ASXL3: variants seen among roughly 807,000 people sequenced by gnomAD.
The protein encoded by ASXL3 is putative Polycomb group protein ASXL3.
ASXL3 carries 34 observed loss-of-function variants against 170.6 expected under a neutral mutation model. The observed-to-expected ratio is 0.20, with a 90% CI of 0.15 to 0.27. The LOEUF is 0.27. Ranked by LOEUF, ASXL3 falls within the 10% of genes least tolerant of loss-of-function variation. The probability of loss-of-function intolerance (pLI) is 1.00; values close to 1 mark genes in which losing one functional copy is unlikely to be tolerated. For synonymous variants in ASXL3, 1,002 were observed against 989.1 expected (o/e 1.01, Z -0.24); for missense variants, 2,592 against 2,695.3 (o/e 0.96, Z 0.85).
intron 7 of ASXL3, among the ~76,000 whole-genome samples, chr18:33,680,659 A>G (rs562254671): frequency 1.3e-5 from 2 of 152,182 alleles, no homozygotes; most frequent in Non-Finnish European, 1.5e-5. Flanking sequence ...CAAGGTCACT[A>G]TATATTCCCA....
At chr18:33,663,926 A>G (rs2066217107) in intron 5 of ASXL3, among the ~76,000 whole-genome samples, 1 of 149,880 alleles carries the variant, frequency 6.7e-6, no homozygotes, top group Admixed American at 6.6e-5. Context: ...TTGTAAGTGT[A>G]TTAAATACAT....
rs192287030 is a variant in ASXL3 at position 33,632,107 on chromosome 18, T to C, written c.138-12787T>C. Among the ~76,000 whole-genome samples, 356 of 152,242 alleles carry C rather than the reference T, an allele frequency of 2.3e-3. 2 individuals carry two copies. The highest frequency in any genetic ancestry group is 6.4e-3 in the Admixed American group (98 of 15,280). The stretch of plus-strand genomic sequence containing the variant: ...AAAAAACTGTATTTAAAGAAATGGT[T>C]CCTTCTGGCCAGATCGCCTAGATAG... On this transcript the variant is annotated intron_variant, in intron 2 of 11. Transcript: ENST00000269197.
chr18:33,674,854 A>G (rs1403531854), intron 7 of ASXL3, among the ~76,000 whole-genome samples: 1 of 152,052 alleles, frequency 6.6e-6, no homozygotes, highest in Non-Finnish European at 1.5e-5. Flanking sequence ...TCCTGACCTC[A>G]TGATCCACCT....
intron 4 of ASXL3, among the ~76,000 whole-genome samples, chr18:33,649,897 TAAGA>T (rs891953450): frequency 6.6e-6 from 1 of 152,008 alleles, no homozygotes; most frequent in Non-Finnish European, 1.5e-5. Context: ...TCAGAGCTGA[TAAGA>T]AAGAAGGGGG....
rs777742703 is a variant in ASXL3, at chr18:33,745,904, C to A, written c.6056C>A (p.Pro2019Gln). ...AACAAAGCACTAGTACATCCGCCGC[C>A]GCCACCGCCTCCCCCTCCCCCTCCA... is the stretch of plus-strand genomic sequence containing the variant. ...MPNKALVHPP[P>Q]PPPPPPPPPL... Residue 2019 changes from proline to glutamine, a missense_variant, in exon 12 of 12, where the codon CCG (proline) becomes CAG (glutamine). By Grantham distance (76) the Pro-to-Gln change is moderately conservative. Around this residue, in one of 4 missense-constraint regions of ASXL3, gnomAD observed 2,246 missense variants for 2,219.6 expected, o/e 1.01. Coordinates refer to ENST00000269197, the MANE Select transcript of ASXL3 (RefSeq NM_030632.3). 2 of 1,608,554 alleles carry A rather than the reference C, an allele frequency of 1.2e-6. No homozygotes were observed. Among genetic ancestry groups the A allele is most frequent in the Non-Finnish European group, 1.7e-6 (2 of 1,178,628 alleles).
intron 8 of ASXL3, among the ~76,000 whole-genome samples, chr18:33,724,133 G>A (rs899833007): frequency 1.1e-4 from 16 of 152,040 alleles, no homozygotes; most frequent in African/African-American, 3.9e-4. Context: ...AACTGAATTT[G>A]CAATGTCTTT....
At chr18:33,674,870 G>A (rs1172783618) in intron 7 of ASXL3, among the ~76,000 whole-genome samples, 2 of 151,960 alleles carry the variant, frequency 1.3e-5, no homozygotes, top group Non-Finnish European at 2.9e-5. Context: ...CACCTGCCTC[G>A]GCTTCCCAAA....
rs190401191 is a variant in ASXL3, at chr18:33,746,452, G to A, written c.6604G>A (p.Asp2202Asn). 80 of 1,614,038 alleles carry A rather than the reference G, an allele frequency of 5.0e-5. No homozygotes were observed. In the East Asian group the frequency reaches 7.6e-4, roughly 15 times the overall value. The part of the protein sequence containing the change: ...NAQMPVQNFA[D>N]SSNADELELK... ...TCAGATGCCCGTTCAGAACTTTGCC[G>A]ACAGCAGCAATGCAGATGAATTGGA... Residue 2202 changes from aspartate to asparagine, a missense_variant, in exon 12 of 12, where the codon GAC becomes AAC. By Grantham distance (23) the Asp-to-Asn change is conservative. Coordinates refer to ENST00000269197, the MANE Select transcript of ASXL3 (RefSeq NM_030632.3).
Position 33,745,957 on chromosome 18 carries a change from C to T in ASXL3, c.6109C>T (p.Pro2037Ser), listed in dbSNP as rs746554436. ...PPLALPPPPP[P>S]PPPLPPPLPN... ...CTTGGCTTTGCCCCCGCCTCCCCCC[C>T]CACCACCTCCGCTACCTCCACCTCT... Residue 2037 changes from proline (P) to serine (S), a missense_variant, in exon 12 of 12, where the codon CCA becomes TCA. By Grantham distance (74) the Pro-to-Ser change is moderately conservative. Transcript: ENST00000269197. 1 of 1,541,820 alleles carries T rather than the reference C, an allele frequency of 6.5e-7. No homozygotes were observed. Among genetic ancestry groups the T allele is most frequent in the South Asian group, 1.2e-5 (1 of 84,670 alleles).
At chr18:33,647,465 C>G (rs1568302832) in intron 4 of ASXL3, among the ~76,000 whole-genome samples, 1 of 151,872 alleles carries the variant, frequency 6.6e-6, no homozygotes, top group African/African-American at 2.4e-5. Context: ...TTTGAGTATC[C>G]CCCCAATTGT....
At position 33,748,371 on chromosome 18, in the gene ASXL3, T is replaced by A. The variant is rs1384852485; in HGVS notation, c.*1776T>A. The A allele has an allele frequency of 2.0e-5, 3 of 152,172 alleles. No homozygotes were observed. Among genetic ancestry groups the A allele is most frequent in the African/African-American group, 7.2e-5 (3 of 41,440 alleles). 9.4% of individuals were successfully genotyped at this position (152,172 alleles called of 1,614,324 possible). On this transcript the variant is annotated 3_prime_UTR_variant, in exon 12 of 12. Coordinates refer to ENST00000269197, the MANE Select transcript of ASXL3 (RefSeq NM_030632.3). ...TTTCTTTCTTTAGGTGATAGAGACA[T>A]CATTTCGAATAACAAATTGCTGATA...
At chr18:33,724,278 G>A (rs1332786111) in intron 8 of ASXL3, among the ~76,000 whole-genome samples, 1 of 152,016 alleles carries the variant, frequency 6.6e-6, no homozygotes, top group Non-Finnish European at 1.5e-5. Flanking sequence ...GCAAAGAATT[G>A]TTTCCTTCAG....
intron 4 of ASXL3, among the ~76,000 whole-genome samples, chr18:33,653,508 AAC>A (rs2066033715): frequency 6.6e-6 from 1 of 152,106 alleles, no homozygotes; most frequent in African/African-American, 2.4e-5. Context: ...CATTGAAGAA[AAC>A]ACAGAGGAAA....
intron 8 of ASXL3, among the ~76,000 whole-genome samples, chr18:33,714,879 C>A (rs1277114922): frequency 2.0e-5 from 3 of 152,202 alleles, no homozygotes; most frequent in African/African-American, 4.8e-5. Context: ...GGGTAGGAAC[C>A]TTTTCATACC....
chr18:33,680,255 G>GATA (rs2066494759), intron 7 of ASXL3, among the ~76,000 whole-genome samples: 1 of 151,848 alleles, frequency 6.6e-6, no homozygotes, highest in African/African-American at 2.4e-5. Context: ...AACATATAAT[G>GATA]GATATGTAGG....
intron 5 of ASXL3, among the ~76,000 whole-genome samples, chr18:33,663,460 C>T (rs547385382): frequency 1.1e-4 from 17 of 152,082 alleles, no homozygotes; most frequent in South Asian, 8.3e-4. Flanking sequence ...ACATTTTTTA[C>T]GATTACTAAA....
At chr18:33,704,282 T>C (rs2066923745) in intron 8 of ASXL3, among the ~76,000 whole-genome samples, 1 of 152,148 alleles carries the variant, frequency 6.6e-6, no homozygotes, top group Non-Finnish European at 1.5e-5. Flanking sequence ...TCAAGCTTTT[T>C]GATATTACAG....
intron 9 of ASXL3, among the ~76,000 whole-genome samples, chr18:33,732,807 C>A (rs2067473337): frequency 6.6e-6 from 1 of 150,660 alleles, no homozygotes; most frequent in East Asian, 2.0e-4. Flanking sequence ...AGTGATCGAC[C>A]TACTGATCAT....
At chr18:33,699,540 C>T (rs749968702) in intron 8 of ASXL3, among the ~76,000 whole-genome samples, 8 of 151,984 alleles carry the variant, frequency 5.3e-5, no homozygotes, top group Admixed American at 1.3e-4. Context: ...TGCATTTCAC[C>T]GATGTGGTTC....
Sources: allele counts gnomAD v4.1 joint callset (sites outside exome capture counted in the v4.1 genomes callset), GRCh38; gene constraint gnomAD v4.1.1; regional missense constraint gnomAD v4.1.1; transcripts MANE v1.5; gene names NCBI Gene and HGNC (gene_info 2026-07-23, HGNC 2026-07-21).